NRXN3: variants seen among roughly 807,000 people sequenced by gnomAD.
NRXN3 encodes neurexin 3, also known as neurexin III.
In NRXN3, 32 loss-of-function variants were observed where a neutral mutation model predicts 137.6. The ratio of observed to expected loss-of-function variants is 0.23; its 90% confidence interval spans 0.18 to 0.31. The LOEUF (loss-of-function observed/expected upper bound fraction) is 0.31. NRXN3 is among the 10% of genes least tolerant of loss of function. The pLI, the probability that NRXN3 is intolerant of heterozygous loss-of-function variation, is 1.00. For synonymous variants in NRXN3, 798 were observed against 784.5 expected, an observed-to-expected ratio of 1.02 and a Z score of -0.29; for missense variants, 1,574 against 2,062.5, an observed-to-expected ratio of 0.76 and a Z score of 4.59.
intron 16 of NRXN3, among the ~76,000 whole-genome samples, chr14:79,475,960 C>CT (rs2096556193): frequency 6.6e-6 from 1 of 152,108 alleles, no homozygotes; most frequent in Non-Finnish European, 1.5e-5. Context: ...AAGGCAAACT[C>CT]TAAGTGCCAT....
In NRXN3 at chr14:79,861,149, A is replaced by G. The variant is rs1484520747; in HGVS notation, c.4094-193A>G. On this transcript the variant is annotated intron_variant, in intron 20 of 20. Coordinates refer to ENST00000335750, the MANE Select transcript of NRXN3 (RefSeq NM_001330195.2). This position sits in a 1 kb window ranked among gnomAD's most constrained non-coding sequence, Gnocchi z 5.4. The stretch of plus-strand genomic sequence containing the variant: ...CCCTACCTTTCGCCCCCTCCTCACC[A>G]TTATTGAGACCACCAAAGATTCCCT... The G allele has an allele frequency of 7.3e-7, 1 of 1,369,028 alleles. No homozygotes were observed. Among genetic ancestry groups the G allele is most frequent in the East Asian group, 4.0e-5 (1 of 24,804 alleles). The allele number at this position is 1,369,028 out of a possible 1,614,324, so 84.8% of individuals were successfully genotyped here. A position where few individuals can be genotyped will look rare whatever the true frequency, so the allele number is the denominator to read the frequency against.
At chr14:79,774,604 T>G (rs1275890436) in intron 19 of NRXN3, among the ~76,000 whole-genome samples, 1 of 152,136 alleles carries the variant, frequency 6.6e-6, no homozygotes, top group Non-Finnish European at 1.5e-5. Flanking sequence ...GCATTCATTA[T>G]CAGACTCTGA....
chr14:79,780,198 A>T (rs971368940), intron 19 of NRXN3, among the ~76,000 whole-genome samples: 4 of 151,904 alleles, frequency 2.6e-5, no homozygotes, highest in Admixed American at 6.6e-5. Flanking sequence ...TTGAGGAGGT[A>T]ATTATTTGTT....
chr14:78,430,971 A>G (rs1024833820), intron 4 of NRXN3, among the ~76,000 whole-genome samples: 6 of 152,200 alleles, frequency 3.9e-5, no homozygotes, highest in African/African-American at 1.4e-4. Context: ...CATCTGCTTC[A>G]TTCCTCTGCC....
intron 8 of NRXN3, among the ~76,000 whole-genome samples, chr14:78,778,780 CTTTCTTTCTTTCTTTCTT>C (rs2098756670): frequency 3.4e-5 from 4 of 116,794 alleles, no homozygotes; most frequent in African/African-American, 1.4e-4. Flanking sequence ...TTCTTTCTTT[CTTTCTTTCTTTCTTTCTT>C]TCTTTCTTTC....
At chr14:79,500,574 A>T (rs1316737151) in intron 16 of NRXN3, among the ~76,000 whole-genome samples, 1 of 152,200 alleles carries the variant, frequency 6.6e-6, no homozygotes, top group African/African-American at 2.4e-5. Flanking sequence ...CTGTCCTTTC[A>T]TCTTTCCCAT....
chr14:78,266,397 C>A (rs2071713427), intron 2 of NRXN3, among the ~76,000 whole-genome samples: 1 of 152,024 alleles, frequency 6.6e-6, no homozygotes, highest in South Asian at 2.1e-4. Flanking sequence ...CTCCCTGGTT[C>A]AAGCAATTCT....
intron 15 of NRXN3, among the ~76,000 whole-genome samples, chr14:79,262,446 AG>A (rs1237135160): frequency 4.0e-5 from 6 of 150,260 alleles, no homozygotes; most frequent in Non-Finnish European, 8.9e-5. Flanking sequence ...AGGAGGAGAA[AG>A]AGGAGGAGGA....
At chr14:78,525,379 A>T (rs911501598) in intron 4 of NRXN3, among the ~76,000 whole-genome samples, 2 of 152,218 alleles carry the variant, frequency 1.3e-5, no homozygotes, top group African/African-American at 4.8e-5. Flanking sequence ...TGCCTAGGTG[A>T]TGAGAACATT....
intron 10 of NRXN3, among the ~76,000 whole-genome samples, chr14:78,835,369 G>A (rs2098993739): frequency 6.6e-6 from 1 of 152,190 alleles, no homozygotes; most frequent in Non-Finnish European, 1.5e-5. Flanking sequence ...GGTGGCAGCA[G>A]TGGGCTGGTT....
intron 2 of NRXN3, among the ~76,000 whole-genome samples, chr14:78,268,903 T>C (rs1353968579): frequency 6.6e-6 from 1 of 152,192 alleles, no homozygotes; most frequent in African/African-American, 2.4e-5. Flanking sequence ...ACATTTCTTT[T>C]ATGATGTTAT....
rs2098810132 is a variant in NRXN3 at position 78,792,927 on chromosome 14, A to G, written c.2045-10693A>G. On this transcript the variant is annotated intron_variant, in intron 8 of 20. Coordinates refer to ENST00000335750, the MANE Select transcript of NRXN3 (RefSeq NM_001330195.2). ...AAAGTTGTTACCATATAATAACAAT[A>G]TAACACAGATGAGCTCTTTTTAAAA... Among the ~76,000 whole-genome samples, 8 of 152,350 alleles carry G rather than the reference A, an allele frequency of 5.3e-5. 1 individual carries two copies. In the South Asian group the frequency reaches 1.7e-3, roughly 32 times the overall value.
intron 19 of NRXN3, among the ~76,000 whole-genome samples, chr14:79,747,590 G>A (rs934574016): frequency 1.3e-5 from 2 of 152,088 alleles, no homozygotes; most frequent in African/African-American, 2.4e-5. Context: ...CTAAAGCCGT[G>A]TAGTAAATGT....
intron 1 of NRXN3, among the ~76,000 whole-genome samples, chr14:78,232,250 C>G (rs2065524764): frequency 6.6e-6 from 1 of 152,234 alleles, no homozygotes; most frequent in Admixed American, 6.5e-5. Flanking sequence ...TTGTTCTGTT[C>G]TCCTCACCAG....
chr14:78,848,215 A>G (rs141253939), intron 10 of NRXN3, among the ~76,000 whole-genome samples: 10 of 152,208 alleles, frequency 6.6e-5, no homozygotes, highest in Non-Finnish European at 1.3e-4. Context: ...TTCCCCTGGA[A>G]TTCTCTATGT....
intron 15 of NRXN3, among the ~76,000 whole-genome samples, chr14:79,286,310 T>C (rs2082244672): frequency 6.6e-6 from 1 of 152,098 alleles, no homozygotes; most frequent in African/African-American, 2.4e-5. Context: ...TACTTTCACA[T>C]CTCAGCCTTT....
At chr14:78,277,422 A>G (rs945213204) in intron 2 of NRXN3, among the ~76,000 whole-genome samples, 4 of 152,220 alleles carry the variant, frequency 2.6e-5, no homozygotes, top group African/African-American at 9.7e-5. Flanking sequence ...CCTAGGCTTC[A>G]GTTGAATGAA....
chr14:79,278,219 G>C (rs182240661), intron 15 of NRXN3, among the ~76,000 whole-genome samples: 14 of 152,264 alleles, frequency 9.2e-5, no homozygotes, highest in African/African-American at 1.2e-4. Context: ...CCCTGCAAAT[G>C]TAATGGGCTT....
rs370927708 is a variant in NRXN3, at chr14:78,485,922, G to A, written c.758-159198G>A. 6.3e-4 allele frequency among the ~76,000 whole-genome samples: 96 copies of A among 152,232 alleles called. 1 individual carries two copies. The highest frequency in any genetic ancestry group is 2.1e-3 in the African/African-American group (86 of 41,544). ...CAGTATGGGCAGGTAGACAAGTGTC[G>A]GAATACTAGTTTAGAGTTGTTTGAT... is the stretch of plus-strand genomic sequence containing the variant. On this transcript the variant is annotated intron_variant, in intron 4 of 20. Coordinates refer to ENST00000335750, the MANE Select transcript of NRXN3 (RefSeq NM_001330195.2).
Sources: allele counts gnomAD v4.1 joint callset (sites outside exome capture counted in the v4.1 genomes callset), GRCh38; gene constraint gnomAD v4.1.1; non-coding constraint Gnocchi (gnomAD v3.1); transcripts MANE v1.5; gene names NCBI Gene and HGNC (gene_info 2026-07-23, HGNC 2026-07-21).